The following NXN variants were observed in gnomAD, a reference collection of about 807,000 sequenced individuals.
NXN encodes nucleoredoxin 1.
In NXN, 16 loss-of-function variants were observed where a neutral mutation model predicts 48.6. The observed-to-expected ratio is 0.33, with a 90% CI of 0.22 to 0.50. The LOEUF (loss-of-function observed/expected upper bound fraction) is 0.50. Among genes scored for constraint, NXN ranks in the 20% least tolerant of loss-of-function variants. The probability of loss-of-function intolerance (pLI) is 0.98; values close to 1 mark genes in which losing one functional copy is unlikely to be tolerated. For missense variants in NXN, 492 were observed against 605.5 expected (o/e 0.81, Z 1.97); for synonymous variants, 281 against 269.6 (o/e 1.04, Z -0.41).
In NXN at chr17:944,227, G is replaced by C. The variant is rs376912261; in HGVS notation, c.360+35092C>G. Among the ~76,000 whole-genome samples the C allele has an allele frequency of 7.2e-5, 11 of 152,210 alleles. No individual in the cohort carries two copies. In the East Asian group the frequency reaches 9.6e-4, roughly 13 times the overall value. ...GCACTCCAGCCTGGAAAACAAGAGC[G>C]AAACTCCATCTCAGAAAAAAATAAA... On this transcript the variant is annotated intron_variant, in intron 1 of 7. Transcript: ENST00000336868.
intron 1 of NXN, 151 bp downstream of exon 1, chr17:979,168 G>A (rs1294518234): frequency 4.1e-6 from 1 of 241,350 alleles, no homozygotes; most frequent in Admixed American, 7.6e-5. Flanking sequence ...AGTGGGTCGG[G>A]GGGCGGGGGA....
Position 978,823 on chromosome 17 carries a change from CG to C in NXN, c.360+495del, listed in dbSNP as rs889710713. Among the ~76,000 whole-genome samples the C allele has an allele frequency of 6.6e-5, 10 of 151,892 alleles. No homozygotes were observed. Among genetic ancestry groups the C allele is most frequent in the African/African-American group, 1.9e-4 (8 of 41,430 alleles). On this transcript the variant is annotated intron_variant, in intron 1 of 7. Transcript: ENST00000336868. This position sits in a 1 kb window ranked among gnomAD's most constrained non-coding sequence, Gnocchi z 4.1. ...AACGCGCTGGTTTGGGCGCCACGGGCGGGGGGCGTGCGCCCTCCCCTCCCCT... is the reference window on the plus strand; with the variant it reads ...AACGCGCTGGTTTGGGCGCCACGGGCGGGGGCGTGCGCCCTCCCCTCCCCT...
intron 1 of NXN, among the ~76,000 whole-genome samples, chr17:872,670 G>C (rs987218654): frequency 7.0e-6 from 1 of 142,840 alleles, no homozygotes; most frequent in African/African-American, 2.7e-5. Context: ...GCCCAGACTG[G>C]AGTGTGATGG....
intron 1 of NXN, among the ~76,000 whole-genome samples, chr17:921,372 A>C (rs1463431913): frequency 6.6e-6 from 1 of 151,972 alleles, no homozygotes; most frequent in African/African-American, 2.4e-5. Context: ...GCCACCAACA[A>C]CACCCAGCGG....
At position 979,459 on chromosome 17, in the gene NXN, C is replaced by T; in HGVS notation, c.220G>A (p.Ala74Thr). 1.6e-6 allele frequency: 2 copies of T among 1,212,942 alleles called. No homozygotes were observed. The highest frequency in any genetic ancestry group is 2.1e-6 in the Non-Finnish European group (2 of 971,526). The allele number at this position is 1,212,942 out of a possible 1,614,324, so 75.1% of individuals were successfully genotyped here. The change falls in exon 1 of 8, where the codon GCC becomes ACC. Residue 74 changes from alanine (A) to threonine (T), a missense_variant. Coordinates refer to ENST00000336868, the MANE Select transcript of NXN (RefSeq NM_022463.5). ...GGCTCGGGCTCCGCCGCCGCCCCGG[C>T]CCCCGCTCCCGGCCCCGGCCCGGCC... is the stretch of plus-strand genomic sequence containing the variant. ...AAAGPGPGAG[A>T]GAAAEPEPRR...
At chr17:835,342 C>A (rs1262694477) in intron 1 of NXN, among the ~76,000 whole-genome samples, 1 of 151,522 alleles carries the variant, frequency 6.6e-6, no homozygotes. Flanking sequence ...CATAGCAAAC[C>A]CCCAACGCCT....
chr17:897,140 G>A lies in NXN; in HGVS notation c.361-71062C>T, dbSNP rs531046366. ...TTTCCCATGGGAGAAAGAAAACTAC[G>A]TTCAGCTCCTGGCAGGTCCCAGGCA... On this transcript the variant is annotated intron_variant, in intron 1 of 7. Coordinates refer to ENST00000336868, the MANE Select transcript of NXN (RefSeq NM_022463.5). 6.4e-6 allele frequency: 5 copies of A among 784,032 alleles called. No homozygotes were observed. In the Admixed American group the frequency reaches 1.8e-4, roughly 29 times the overall value. The allele number at this position is 784,032 out of a possible 1,614,324, so 48.6% of individuals were successfully genotyped here.
At chr17:867,957 A>C (rs2068110183) in intron 1 of NXN, among the ~76,000 whole-genome samples, 1 of 151,794 alleles carries the variant, frequency 6.6e-6, no homozygotes, top group African/African-American at 2.4e-5. Flanking sequence ...TTCAGATGTA[A>C]GTGGGGGTCC....
intron 1 of NXN, among the ~76,000 whole-genome samples, chr17:848,284 C>T (rs1054481568): frequency 1.3e-5 from 2 of 152,136 alleles, no homozygotes; most frequent in Non-Finnish European, 2.9e-5. Context: ...ATTATAGGCA[C>T]CCACCACCAC....
intron 1 of NXN, among the ~76,000 whole-genome samples, chr17:929,183 G>A (rs111964128): frequency 0.018 from 2,697 of 152,298 alleles, 80 homozygotes; most frequent in African/African-American, 0.059. Context: ...TACGGCAACA[G>A]GCAGCTGGAG....
intron 1 of NXN, among the ~76,000 whole-genome samples, chr17:957,504 C>CAGGA (rs1567518969): frequency 6.6e-6 from 1 of 151,952 alleles, no homozygotes; most frequent in Non-Finnish European, 1.5e-5. Flanking sequence ...TGGTGGTGCA[C>CAGGA]GCCTGTAGTC....
chr17:929,063 G>A (rs2068828269), intron 1 of NXN, among the ~76,000 whole-genome samples: 1 of 152,198 alleles, frequency 6.6e-6, no homozygotes, highest in Non-Finnish European at 1.5e-5. Flanking sequence ...TTTGCCCAAT[G>A]TCAAGAAAAA....
At chr17:813,023 A>G (rs1597620513) in intron 5 of NXN, among the ~76,000 whole-genome samples, 1 of 151,750 alleles carries the variant, frequency 6.6e-6, no homozygotes, top group African/African-American at 2.4e-5. Flanking sequence ...GGTTGTGTGC[A>G]CGCGTGTGTG....
At chr17:835,635 T>C (rs1274218260) in intron 1 of NXN, among the ~76,000 whole-genome samples, 2 of 152,094 alleles carry the variant, frequency 1.3e-5, no homozygotes, top group Non-Finnish European at 2.9e-5. Context: ...GGGACGGGAC[T>C]GGGAACCGGG....
chr17:908,531 GTC>G lies in NXN; in HGVS notation c.360+70786_360+70787del, dbSNP rs374088025. On this transcript the variant is annotated intron_variant, in intron 1 of 7. Coordinates refer to ENST00000336868, the MANE Select transcript of NXN (RefSeq NM_022463.5). ...AGCCTGGGCAACAGAACGAGACTCTGTCTCAAAGGAAACAAAACAAAACAAAA... is the reference window on the plus strand; with the variant it reads ...AGCCTGGGCAACAGAACGAGACTCTGTCAAAGGAAACAAAACAAAACAAAA... 1.6e-4 allele frequency among the ~76,000 whole-genome samples: 24 copies of G among 152,178 alleles called. 1 individual carries two copies. The East Asian group carries it at 4.1e-3, about 26-fold the overall frequency.
At chr17:948,998 G>C (rs867984169) in intron 1 of NXN, among the ~76,000 whole-genome samples, 10 of 10 alleles carry the variant, frequency 1, 5 homozygotes, top group Non-Finnish European at 1. Flanking sequence ...CTCCCCCCGG[G>C]CTCCTCCTCT....
intron 1 of NXN, among the ~76,000 whole-genome samples, chr17:862,043 C>G (rs1030004149): frequency 2.6e-5 from 4 of 152,094 alleles, no homozygotes; most frequent in African/African-American, 4.8e-5. Flanking sequence ...GTTTCCCAGG[C>G]TGGTCTCGAA....
At chr17:880,196 A>AC (rs2068268305) in intron 1 of NXN, 1 of 152,152 alleles carries the variant, frequency 6.6e-6, no homozygotes, top group African/African-American at 2.4e-5. Context: ...CCCGGAGACA[A>AC]CACCCACCCT....
intron 1 of NXN, among the ~76,000 whole-genome samples, chr17:908,728 A>G (rs6598833): frequency 0.54 from 82,306 of 151,592 alleles, 22,716 homozygotes; most frequent in Admixed American, 0.66. Flanking sequence ...AAAATTCAAG[A>G]CTACAGGTGC....
Sources: gnomAD v4.1 joint callset for allele counts (sites outside exome capture counted in the v4.1 genomes callset) on GRCh38, gnomAD v4.1.1 for gene constraint, Gnocchi (gnomAD v3.1) non-coding constraint, MANE v1.5 for transcripts, NCBI Gene and HGNC (gene_info 2026-07-23, HGNC 2026-07-21) for gene names.